Variants in FNDC3A observed in about 807,000 individuals in gnomAD.
FNDC3A encodes fibronectin type III domain containing 3A, also known as fibronectin type-III domain-containing protein 3A.
FNDC3A carries 32 observed loss-of-function variants against 148.9 expected under a neutral mutation model. The ratio of observed to expected loss-of-function variants is 0.21; its 90% CI spans 0.16 to 0.29. The LOEUF (loss-of-function observed/expected upper bound fraction) is 0.29. Among genes scored for constraint, FNDC3A ranks in the 10% least tolerant of loss-of-function variants. The pLI, the probability that FNDC3A is intolerant of heterozygous loss-of-function variation, is 1.00. For missense variants in FNDC3A, 1,191 were observed against 1,452.8 expected (o/e 0.82, Z 2.93); for synonymous variants, 472 against 473.6 (o/e 1.00, Z 0.04).
intron 3 of FNDC3A, among the ~76,000 whole-genome samples, chr13:49,106,368 A>G (rs1880172391): frequency 6.6e-6 from 1 of 152,124 alleles, no homozygotes; most frequent in Non-Finnish European, 1.5e-5. Context: ...GCTGGAGTGC[A>G]GTGGCAGGAT....
intron 1 of FNDC3A, among the ~76,000 whole-genome samples, chr13:49,000,773 A>G (rs146526020): frequency 2.6e-5 from 4 of 152,292 alleles, no homozygotes; most frequent in East Asian, 1.9e-4. Flanking sequence ...TTTTCAGTGT[A>G]TGGCTTTCAC....
At chr13:49,173,798 G>A (rs767842194) in intron 11 of FNDC3A, among the ~76,000 whole-genome samples, 2 of 152,060 alleles carry the variant, frequency 1.3e-5, no homozygotes, top group Non-Finnish European at 2.9e-5. Flanking sequence ...TTTATCTCTA[G>A]CAACACAATA....
chr13:49,004,517 G>T (rs1235456865), intron 1 of FNDC3A, among the ~76,000 whole-genome samples: 2 of 151,908 alleles, frequency 1.3e-5, no homozygotes, highest in Non-Finnish European at 2.9e-5. Context: ...ATAGCATGTG[G>T]CTCTATACCC....
chr13:49,113,292 A>C (rs1880700469), intron 3 of FNDC3A, among the ~76,000 whole-genome samples: 11 of 98,512 alleles, frequency 1.1e-4, no homozygotes, highest in South Asian at 4.2e-4. Context: ...CACTTTCCTT[A>C]CCCCTGTTTA....
intron 11 of FNDC3A, among the ~76,000 whole-genome samples, chr13:49,172,679 T>G (rs184912826): frequency 2.0e-5 from 3 of 152,346 alleles, no homozygotes; most frequent in East Asian, 3.9e-4. Context: ...GGAACACTTA[T>G]GATTCCATGT....
At chr13:48,993,457 G>A (rs1166872795) in intron 1 of FNDC3A, among the ~76,000 whole-genome samples, 3 of 152,122 alleles carry the variant, frequency 2.0e-5, no homozygotes, top group African/African-American at 7.2e-5. Flanking sequence ...TAGGACTTTA[G>A]ATTCTTAGAT....
At position 49,174,567 on chromosome 13, in the gene FNDC3A, GTACTTTA is replaced by G. The variant is rs1566306340; in HGVS notation, c.1355+11_1355+17del. ...AAATGACTATGGTACAAGGTAAGGT[GTACTTTA>G]TAAAAGAATGTAAATATTTTTAGAT... On this transcript the variant is annotated intron_variant, in intron 12 of 25. Coordinates refer to ENST00000492622, the MANE Select transcript of FNDC3A (RefSeq NM_001079673.2). The G allele has an allele frequency of 6.3e-7, 1 of 1,596,600 alleles. No homozygotes were observed. Among genetic ancestry groups the G allele is most frequent in the South Asian group, 1.1e-5 (1 of 88,384 alleles).
At chr13:49,131,512 T>A in intron 5 of FNDC3A, 138 bp downstream of exon 5, 1 of 679,840 alleles carries the variant, frequency 1.5e-6, no homozygotes, top group Non-Finnish European at 2.6e-6. Flanking sequence ...ACTCAAGTAC[T>A]ATATTAGGTG....
At chr13:49,134,453 G>A (rs1402923088) in intron 5 of FNDC3A, among the ~76,000 whole-genome samples, 1 of 151,854 alleles carries the variant, frequency 6.6e-6, no homozygotes, top group Non-Finnish European at 1.5e-5. Flanking sequence ...ATGGACCTTT[G>A]GGTTGTTTTC....
intron 4 of FNDC3A, among the ~76,000 whole-genome samples, chr13:49,126,223 T>C (rs1881686595): frequency 6.6e-6 from 1 of 152,114 alleles, no homozygotes; most frequent in Non-Finnish European, 1.5e-5. Context: ...GTCTGGCTTT[T>C]TTTTTTCCCC....
rs374481120 is a variant in FNDC3A at position 49,191,369 on chromosome 13, A to G, written c.2211A>G (p.Ala737=). 3 of 1,593,642 alleles carry G rather than the reference A, an allele frequency of 1.9e-6. No individual in the cohort carries two copies. The highest frequency in any genetic ancestry group is 2.7e-5 in the African/African-American group (2 of 73,734). Residue 737 remains alanine (A), a synonymous_variant, in exon 19 of 26, where the codon GCA becomes GCG. Coordinates refer to ENST00000492622, the MANE Select transcript of FNDC3A (RefSeq NM_001079673.2). ...AGACATACAGCTTCAGACTACGTGC[A>G]GCTAACAAAATGGGGGTAAGAAGAC... ...PGKTYSFRLR[A]ANKMGFGPFS...
chr13:49,191,838 T>C (rs895229109), intron 19 of FNDC3A, among the ~76,000 whole-genome samples: 11 of 152,348 alleles, frequency 7.2e-5, no homozygotes, highest in Admixed American at 1.3e-4. Flanking sequence ...AAAAAACTTA[T>C]GCTTGAAACT....
rs188974977 is a variant in FNDC3A at position 49,057,691 on chromosome 13, A to G, written c.100-17598A>G. 6.2e-4 allele frequency among the ~76,000 whole-genome samples: 94 copies of G among 152,194 alleles called. 11 individuals are homozygous for G. The highest frequency in any genetic ancestry group is 3.1e-3 in the Admixed American group (48 of 15,280). On this transcript the variant is annotated intron_variant, in intron 2 of 25. Coordinates refer to ENST00000492622, the MANE Select transcript of FNDC3A (RefSeq NM_001079673.2). ...TACCTTATTTAATATACTAATAATG[A>G]AATTTTAAATAGAATTTTTGTTCTC... is the stretch of plus-strand genomic sequence containing the variant.
intron 4 of FNDC3A, among the ~76,000 whole-genome samples, chr13:49,115,617 A>G (rs767596028): frequency 6.6e-6 from 1 of 152,234 alleles, no homozygotes; most frequent in Non-Finnish European, 1.5e-5. Context: ...CTGAATCCAT[A>G]TCTTATTTCA....
chr13:49,011,511 T>C (rs977331777), intron 2 of FNDC3A, among the ~76,000 whole-genome samples: 7 of 152,150 alleles, frequency 4.6e-5, no homozygotes, highest in African/African-American at 7.2e-5. Context: ...TGGGATTACA[T>C]GCGTGAGCCA....
At chr13:49,144,120 A>G (rs970961375) in intron 7 of FNDC3A, among the ~76,000 whole-genome samples, 1 of 151,898 alleles carries the variant, frequency 6.6e-6, no homozygotes, top group Non-Finnish European at 1.5e-5. Flanking sequence ...TCAAAGTTTA[A>G]CACAACTATT....
At chr13:49,135,315 A>G (rs1211913738) in intron 5 of FNDC3A, among the ~76,000 whole-genome samples, 1 of 151,732 alleles carries the variant, frequency 6.6e-6, no homozygotes, top group Admixed American at 6.6e-5. Context: ...TTGTTTTTTC[A>G]CTTTCCTTGT....
At chr13:49,010,586 G>A (rs1171384434) in intron 2 of FNDC3A, among the ~76,000 whole-genome samples, 1 of 152,128 alleles carries the variant, frequency 6.6e-6, no homozygotes, top group Non-Finnish European at 1.5e-5. Flanking sequence ...TTTAAAACCT[G>A]TTTTAAATCA....
chr13:49,203,090 G>A (rs1886493871), intron 24 of FNDC3A, 67 bp from the exon 25 acceptor site: 3 of 979,008 alleles, frequency 3.1e-6, no homozygotes, highest in Non-Finnish European at 4.6e-6. Flanking sequence ...ATTAAGACAA[G>A]TGTCTGCATG....
Sources: allele counts gnomAD v4.1 joint callset (sites outside exome capture counted in the v4.1 genomes callset), GRCh38; gene constraint gnomAD v4.1.1; transcripts MANE v1.5; gene names NCBI Gene and HGNC (gene_info 2026-07-23, HGNC 2026-07-21).